PWWP2B: variants seen among roughly 807,000 people sequenced by gnomAD.
PWWP2B encodes PWWP domain-containing protein 2B.
A neutral mutation model predicts 15.5 loss-of-function variants in PWWP2B; 9 were observed. The ratio of observed to expected loss-of-function variants is 0.58; its 90% CI spans 0.35 to 1.02. The LOEUF (loss-of-function observed/expected upper bound fraction) is 1.02, where lower values mean the gene tolerates loss of function less well. PWWP2B is among the 50% of genes least tolerant of loss of function. The pLI is 0.02. For synonymous variants in PWWP2B, 474 were observed against 403.6 expected (o/e 1.17, Z -2.09); for missense variants, 864 against 865.3 (o/e 1.00, Z 0.02).
chr10:132,404,790 C>A lies in PWWP2B; in HGVS notation c.290C>A (p.Thr97Asn). 6.6e-7 allele frequency: 1 copy of A among 1,513,368 alleles called. No individual in the cohort carries two copies. The highest frequency in any genetic ancestry group is 9.0e-7 in the Non-Finnish European group (1 of 1,114,774). The allele number at this position is 1,513,368 out of a possible 1,614,324, so 93.7% of individuals were successfully genotyped here. ...PARGVQPPET[T>N]RPEPPPPLVP... The stretch of plus-strand genomic sequence containing the variant: ...CGCGGGGTTCAGCCCCCCGAGACCA[C>A]CCGCCCCGAGCCACCCCCGCCCCTC... Residue 97 changes from threonine to asparagine, a missense_variant, in exon 2 of 3, where the codon ACC becomes AAC. Transcript: ENST00000305233.
chr10:132,398,505 G>A (rs1445850270), intron 1 of PWWP2B, among the ~76,000 whole-genome samples: 4 of 152,206 alleles, frequency 2.6e-5, no homozygotes, highest in African/African-American at 7.2e-5. Flanking sequence ...CAGCAGGGCC[G>A]CACCCCTGCC....
chr10:132,399,658 CCCGGAG>C (rs1256033272), intron 1 of PWWP2B, among the ~76,000 whole-genome samples: 1 of 152,266 alleles, frequency 6.6e-6, no homozygotes, highest in African/African-American at 2.4e-5. Context: ...GTGGGCTGAG[CCCGGAG>C]CAGGCGGCCT....
At position 132,405,342 on chromosome 10, in the gene PWWP2B, G is replaced by T; in HGVS notation, c.842G>T (p.Arg281Leu). The T allele has an allele frequency of 6.2e-7, 1 of 1,611,740 alleles. No homozygotes were observed. The highest frequency in any genetic ancestry group is 1.1e-5 in the South Asian group (1 of 91,064). Residue 281 changes from arginine (R) to leucine (L), a missense_variant, in exon 2 of 3, where the codon CGT becomes CTT. Arg to Leu is a moderately radical substitution (Grantham distance 102). Around this residue, in one of 2 missense-constraint regions of PWWP2B, gnomAD observed 736 missense variants for 687.7 expected, o/e 1.07. Coordinates refer to ENST00000305233, the MANE Select transcript of PWWP2B (RefSeq NM_138499.4). The part of the protein sequence containing the change: ...SRVHGSLEPF[R>L]PQQAPQDDGS... The stretch of plus-strand genomic sequence containing the variant: ...GTGCACGGCTCTCTGGAGCCCTTCC[G>T]TCCCCAGCAGGCCCCGCAGGACGAC...
At position 132,405,128 on chromosome 10, in the gene PWWP2B, A is replaced by G. The variant is rs1189565764; in HGVS notation, c.628A>G (p.Arg210Gly). Residue 210 changes from arginine (R) to glycine (G), a missense_variant, in exon 2 of 3, where the codon AGG becomes GGG. Physicochemically the swap from Arg to Gly is moderately radical, Grantham distance 125. Coordinates refer to ENST00000305233, the MANE Select transcript of PWWP2B (RefSeq NM_138499.4). ...CAGGAGGCTGGGCAGCGGCCCGGAC[A>G]GGGAGCTCCGCAAGCCGGAGGAGCC... ...ARRRLGSGPDRELRKPEEPEN... is the reference protein window; with the variant it reads ...ARRRLGSGPDGELRKPEEPEN... The G allele has an allele frequency of 1.3e-6, 2 of 1,543,452 alleles. No individual in the cohort carries two copies. Among genetic ancestry groups the G allele is most frequent in the Non-Finnish European group, 1.7e-6 (2 of 1,144,154 alleles).
intron 1 of PWWP2B, among the ~76,000 whole-genome samples, chr10:132,403,283 C>A (rs2069636439): frequency 6.6e-6 from 1 of 152,242 alleles, no homozygotes; most frequent in African/African-American, 2.4e-5. Context: ...CTGTGCCCTC[C>A]CCGGCGAGTC....
intron 1 of PWWP2B, 28 bp from the exon 2 acceptor site, chr10:132,404,598 A>AACGGCGCG: frequency 6.3e-7 from 1 of 1,592,244 alleles, no homozygotes; most frequent in Non-Finnish European, 8.6e-7. Flanking sequence ...GTCCCTTCTC[A>AACGGCGCG]CTGTGGTTTC....
Position 132,404,860 on chromosome 10 carries a change from C to T in PWWP2B, c.360C>T (p.Tyr120=). Reference sequence around the variant, plus strand: ...GAAGCCTGCCCCCGTACCCTCCCTACTTCGAAGGCGCCCCCTTCCCTCACC... The same window carrying T: ...GAAGCCTGCCCCCGTACCCTCCCTATTTCGAAGGCGCCCCCTTCCCTCACC... ...PAGSLPPYPP[Y]FEGAPFPHPL... Residue 120 remains tyrosine (Y), a synonymous_variant, in exon 2 of 3, where the codon TAC becomes TAT. Coordinates refer to ENST00000305233, the MANE Select transcript of PWWP2B (RefSeq NM_138499.4). The T allele has an allele frequency of 1.9e-6, 3 of 1,589,592 alleles. No homozygotes were observed. The highest frequency in any genetic ancestry group is 1.7e-6 in the Non-Finnish European group (2 of 1,174,810).
chr10:132,409,754 A>G (rs2069754149), intron 2 of PWWP2B, among the ~76,000 whole-genome samples: 1 of 152,064 alleles, frequency 6.6e-6, no homozygotes, highest in Admixed American at 6.5e-5. Flanking sequence ...GTGCATAATC[A>G]CACACAGGAA....
intron 1 of PWWP2B, among the ~76,000 whole-genome samples, chr10:132,403,586 G>A (rs138141313): frequency 2.6e-5 from 4 of 152,366 alleles, no homozygotes; most frequent in Admixed American, 1.3e-4. Context: ...GCAGCCAGGT[G>A]CCCGTGCAGC....
intron 2 of PWWP2B, among the ~76,000 whole-genome samples, chr10:132,410,329 T>G (rs539454875): frequency 8.6e-6 from 1 of 116,508 alleles, no homozygotes; most frequent in African/African-American, 3.2e-5. Flanking sequence ...AGGATCCGTA[T>G]TCATCGGGGG....
Position 132,417,102 on chromosome 10 carries a change from G to A in PWWP2B, c.*58G>A, listed in dbSNP as rs771798436. On this transcript the variant is annotated 3_prime_UTR_variant, in exon 3 of 3. Transcript: ENST00000305233. The stretch of plus-strand genomic sequence containing the variant: ...GCGCACCTGCTGTCCTGGAGCTTCC[G>A]ATCTCTGTTCGGGGACCCTGTGAGC... 7 of 1,613,420 alleles carry A rather than the reference G, an allele frequency of 4.3e-6. No individual in the cohort carries two copies. Among genetic ancestry groups the A allele is most frequent in the Admixed American group, 1.7e-5 (1 of 59,978 alleles).
intron 2 of PWWP2B, among the ~76,000 whole-genome samples, chr10:132,409,797 C>T (rs1014195132): frequency 1.3e-5 from 2 of 152,208 alleles, no homozygotes; most frequent in Non-Finnish European, 2.9e-5. Context: ...GGGCTTGAAG[C>T]AGAGCATCCA....
chr10:132,403,196 A>G (rs2069634888), intron 1 of PWWP2B, among the ~76,000 whole-genome samples: 1 of 151,808 alleles, frequency 6.6e-6, no homozygotes, highest in Non-Finnish European at 1.5e-5. Flanking sequence ...GGTGGCGCTC[A>G]CTCTGACCAC....
chr10:132,415,393 TCA>T (rs1258352134), intron 2 of PWWP2B, among the ~76,000 whole-genome samples: 4 of 145,182 alleles, frequency 2.8e-5, no homozygotes, highest in South Asian at 2.2e-4. Context: ...ACTCATTTAC[TCA>T]CACACATCCA....
intron 2 of PWWP2B, among the ~76,000 whole-genome samples, chr10:132,407,883 T>C (rs1022011227): frequency 5.9e-5 from 9 of 152,196 alleles, no homozygotes; most frequent in Non-Finnish European, 8.8e-5. Flanking sequence ...TCCCGTCTGC[T>C]GTCCTGGGGG....
In PWWP2B at chr10:132,404,950, C is replaced by T; in HGVS notation, c.450C>T (p.Arg150=). ...VPQPPPRTIK[R]TRRRLSRNRD... is the part of the protein sequence containing the mutation. ...AGCCGCCGCCCAGGACCATCAAGCGCACGCGGCGGCGTCTGTCCCGCAACC... is the reference window on the plus strand; with the variant it reads ...AGCCGCCGCCCAGGACCATCAAGCGTACGCGGCGGCGTCTGTCCCGCAACC... The change falls in exon 2 of 3, where the codon CGC becomes CGT. Residue 150 remains arginine, a synonymous_variant. Transcript: ENST00000305233. The T allele has an allele frequency of 1.3e-6, 2 of 1,592,686 alleles. No individual in the cohort carries two copies. Among genetic ancestry groups the T allele is most frequent in the Non-Finnish European group, 1.7e-6 (2 of 1,176,950 alleles).
chr10:132,412,565 TC>T (rs1196299887), intron 2 of PWWP2B, among the ~76,000 whole-genome samples: 2 of 152,152 alleles, frequency 1.3e-5, no homozygotes, highest in Non-Finnish European at 2.9e-5. Context: ...CCTAATCCGT[TC>T]CCGATCAAGT....
intron 2 of PWWP2B, among the ~76,000 whole-genome samples, chr10:132,415,646 C>CACAT (rs1491463828): frequency 1.1e-5 from 1 of 94,898 alleles, no homozygotes; most frequent in African/African-American, 7.4e-5. Flanking sequence ...CACACCCACT[C>CACAT]ACACACACAT....
chr10:132,416,142 G>A (rs1278510688), intron 2 of PWWP2B, among the ~76,000 whole-genome samples: 1 of 152,004 alleles, frequency 6.6e-6, no homozygotes, highest in Non-Finnish European at 1.5e-5. Flanking sequence ...CGGGACAGGG[G>A]CAGGTCCCTC....
Sources: allele counts gnomAD v4.1 joint callset (sites outside exome capture counted in the v4.1 genomes callset), GRCh38; gene constraint gnomAD v4.1.1; regional missense constraint gnomAD v4.1.1; transcripts MANE v1.5; gene names NCBI Gene and HGNC (gene_info 2026-07-23, HGNC 2026-07-21).